The following EXOSC10 variants were observed in gnomAD, a reference collection of about 807,000 sequenced individuals.
EXOSC10 encodes exosome component 10, also known as exosome complex component 10.
Under a neutral mutation model 126.6 loss-of-function variants are expected in EXOSC10, and 94 were observed. The ratio of observed to expected loss-of-function variants is 0.74; its 90% CI spans 0.63 to 0.88. The LOEUF (loss-of-function observed/expected upper bound fraction) is 0.88. Among genes scored for constraint, EXOSC10 ranks in the 40% least tolerant of loss-of-function variants. The pLI is 0.00. For synonymous variants in EXOSC10, 395 were observed against 400.8 expected (o/e 0.99, Z 0.17); for missense variants, 1,041 against 1,100.5 (o/e 0.95, Z 0.77).
intron 17 of EXOSC10, among the ~76,000 whole-genome samples, chr1:11,076,512 A>T (rs1471329841): frequency 6.6e-6 from 1 of 152,202 alleles, no homozygotes; most frequent in Non-Finnish European, 1.5e-5. Flanking sequence ...CCACCACTGC[A>T]GCTTGTCTGG....
intron 4 of EXOSC10, 82 bp downstream of exon 4, chr1:11,091,411 A>G (rs1640797025): frequency 8.1e-7 from 1 of 1,229,502 alleles, no homozygotes; most frequent in Admixed American, 2.3e-5. Context: ...AATAAATTAG[A>G]ACAGAAATGC....
Position 11,072,161 on chromosome 1 carries a change from C to G in EXOSC10, c.2168G>C (p.Arg723Pro). 1 of 1,611,600 alleles carries G rather than the reference C, an allele frequency of 6.2e-7. No homozygotes were observed. Among genetic ancestry groups the G allele is most frequent in the South Asian group, 1.1e-5 (1 of 90,630 alleles). The part of the protein sequence containing the change: ...PSTKIYEISN[R>P]WKLAQVQVQK... ...TACTTGTACCTGGGCCAGCTTCCAGCGGTTGCTGATCTATAATGAAAGCAA... is the reference window on the plus strand; with the variant it reads ...TACTTGTACCTGGGCCAGCTTCCAGGGGTTGCTGATCTATAATGAAAGCAA... Residue 723 changes from arginine (R) to proline (P), a missense_variant, in exon 20 of 25, where the codon CGC (arginine) becomes CCC (proline). Physicochemically the swap from Arg to Pro is moderately radical, Grantham distance 103 (BLOSUM62 -2). This residue lies in a region of EXOSC10 where 388 missense variants were observed against 415.2 expected (regional missense o/e 0.93). Transcript: ENST00000376936.
At chr1:11,089,223 A>T (rs890188606) in intron 6 of EXOSC10, among the ~76,000 whole-genome samples, 1 of 106,322 alleles carries the variant, frequency 9.4e-6, no homozygotes, top group African/African-American at 5.3e-5. Context: ...GAGCAAAACT[A>T]AAAAAAAAAA....
At position 11,069,604 on chromosome 1, in the gene EXOSC10, ACT is replaced by A; in HGVS notation, c.2441_2442del (p.Glu814ValfsTer27). ...KPKDPEPPEK[E>X]FTPYDYSQSD... is the part of the protein sequence containing the mutation. ...GACTGGCTGTAGTCGTAAGGCGTAA[ACT>A]CTTTTTCTGGTGGCTCTGGGTCCTT... On this transcript the variant is annotated frameshift_variant, in exon 22 of 25. Coordinates refer to ENST00000376936, the MANE Select transcript of EXOSC10 (RefSeq NM_001001998.3). LOFTEE classifies it high-confidence loss of function. 6.2e-7 allele frequency: 1 copy of A among 1,613,556 alleles called. No individual in the cohort carries two copies. Among genetic ancestry groups the A allele is most frequent in the Non-Finnish European group, 8.5e-7 (1 of 1,179,900 alleles).
At chr1:11,073,279 C>CACA in intron 19 of EXOSC10, among the ~76,000 whole-genome samples, 1 of 152,230 alleles carries the variant, frequency 6.6e-6, no homozygotes, top group South Asian at 2.1e-4. Flanking sequence ...ACTACAGGCG[C>CACA]CTGCCACGAC....
At position 11,099,798 on chromosome 1, in the gene EXOSC10, G is replaced by C; in HGVS notation, c.34C>G (p.Leu12Val). 1 of 1,611,954 alleles carries C rather than the reference G, an allele frequency of 6.2e-7. No individual in the cohort carries two copies. The highest frequency in any genetic ancestry group is 8.5e-7 in the Non-Finnish European group (1 of 1,179,024). The part of the protein sequence containing the change: ...APPSTREPRV[L>V]SATSATKSDG... ...GATTTGGTTGCGCTGGTCGCCGACA[G>C]GACCCTGGGCTCCCGGGTACTGGGT... is the stretch of plus-strand genomic sequence containing the variant. Residue 12 changes from leucine (L) to valine (V), a missense_variant, in exon 1 of 25, where the codon CTG (leucine) becomes GTG (valine). Around this residue, in one of 3 missense-constraint regions of EXOSC10, gnomAD observed 645 missense variants for 656.3 expected, o/e 0.98. Transcript: ENST00000376936.
At chr1:11,082,595 G>A (rs765697564) in intron 10 of EXOSC10, 93 bp downstream of exon 10, 7 of 1,565,838 alleles carry the variant, frequency 4.5e-6, no homozygotes, top group Admixed American at 1.8e-5. Context: ...CAATGAGCGT[G>A]GTAGGGCTCA....
chr1:11,070,737 T>G, intron 21 of EXOSC10, 163 bp downstream of exon 21: 1 of 623,814 alleles, frequency 1.6e-6, no homozygotes, highest in Non-Finnish European at 2.8e-6. Flanking sequence ...TGTGGAGGTT[T>G]CGGAAATGAG....
At chr1:11,078,628 ACGAAGTCTCAT>A (rs1259067256) in intron 14 of EXOSC10, among the ~76,000 whole-genome samples, 1 of 152,204 alleles carries the variant, frequency 6.6e-6, no homozygotes. Context: ...AGCATTTGCT[ACGAAGTCTCAT>A]CAATCTTTTC....
At chr1:11,090,494 G>T in intron 6 of EXOSC10, 60 bp downstream of exon 6, 2 of 1,368,822 alleles carry the variant, frequency 1.5e-6, no homozygotes, top group Non-Finnish European at 1.0e-6. Context: ...CCACAAAAGT[G>T]AAAATGTGGC....
At chr1:11,070,830 C>G (rs1026448620) in intron 21 of EXOSC10, 70 bp downstream of exon 21, 1 of 1,389,890 alleles carries the variant, frequency 7.2e-7, no homozygotes. Context: ...CCTAAGATAT[C>G]CAAGGAAGAT....
chr1:11,079,692 C>T lies in EXOSC10; in HGVS notation c.1749+19G>A. On this transcript the variant is annotated intron_variant, in intron 14 of 24. Transcript: ENST00000376936. Reference sequence around the variant, plus strand: ...TATAGGCGTGAGCCACTGTGCCCAGCCGCAGAAAAGCTTCTTACCTTGAGC... The same window carrying T: ...TATAGGCGTGAGCCACTGTGCCCAGTCGCAGAAAAGCTTCTTACCTTGAGC... The T allele has an allele frequency of 1.2e-6, 2 of 1,602,452 alleles. No homozygotes were observed. Among genetic ancestry groups the T allele is most frequent in the Non-Finnish European group, 1.7e-6 (2 of 1,171,648 alleles).
intron 19 of EXOSC10, among the ~76,000 whole-genome samples, chr1:11,073,427 C>T (rs556685932): frequency 2.0e-5 from 3 of 152,280 alleles, no homozygotes; most frequent in Admixed American, 2.0e-4. Flanking sequence ...CCACCATGCC[C>T]AGCCCAAGTG....
At position 11,068,062 on chromosome 1, in the gene EXOSC10, AT is replaced by A; in HGVS notation, c.2572del (p.Ile858LeufsTer?). The A allele has an allele frequency of 6.2e-7, 1 of 1,613,916 alleles. No individual in the cohort carries two copies. The highest frequency in any genetic ancestry group is 1.7e-5 in the Admixed American group (1 of 59,994). ...SGKKCIAAKKIKQSVGNKSMS... is the reference protein window; with the variant it reads ...SGKKCIAAKKXKQSVGNKSMS... The stretch of plus-strand genomic sequence containing the variant: ...GCTTTTGTTTCCCACCGACTGTTTA[AT>A]TTTTTTGGCTGCAATGCATTTCTGA... On this transcript the variant is annotated frameshift_variant, in exon 24 of 25. Coordinates refer to ENST00000376936, the MANE Select transcript of EXOSC10 (RefSeq NM_001001998.3). LOFTEE classifies it high-confidence loss of function.
At chr1:11,087,371 A>G (rs1437559840) in intron 9 of EXOSC10, 77 bp downstream of exon 9, 3 of 1,550,344 alleles carry the variant, frequency 1.9e-6, no homozygotes, top group Non-Finnish European at 2.7e-6. Flanking sequence ...CTAGGTTGAA[A>G]TAATGAAATA....
In EXOSC10 at chr1:11,087,561, T is replaced by A; in HGVS notation, c.976A>T (p.Thr326Ser). Residue 326 changes from threonine to serine, a missense_variant, in exon 9 of 25, where the codon ACC becomes TCC. Transcript: ENST00000376936. The part of the protein sequence containing the change: ...HHSYRSFLGL[T>S]CLMQISTRTE... ...CGAGTAGAAATTTGCATCAGGCAGG[T>A]CAGTCCCAGGAAGCTCCTGTAAGAG... is the stretch of plus-strand genomic sequence containing the variant. The A allele has an allele frequency of 6.2e-7, 1 of 1,614,080 alleles. No individual in the cohort carries two copies. The highest frequency in any genetic ancestry group is 8.5e-7 in the Non-Finnish European group (1 of 1,180,004).
chr1:11,066,802 C>T, intron 24 of EXOSC10, 54 bp from the exon 25 acceptor site: 1 of 1,594,976 alleles, frequency 6.3e-7, no homozygotes, highest in Non-Finnish European at 8.6e-7. Flanking sequence ...TGGATGTTCT[C>T]AGATGGTTTA....
intron 4 of EXOSC10, 45 bp downstream of exon 4, chr1:11,091,448 A>T: frequency 6.6e-7 from 1 of 1,512,628 alleles, no homozygotes; most frequent in East Asian, 2.3e-5. Context: ...AATCTCTGTT[A>T]TGAAGCTGAC....
rs933670958 is a variant in EXOSC10 at position 11,090,750 on chromosome 1, GTTTTTTGGCTTTT to G, written c.644-95_644-83del. 6.6e-5 allele frequency: 74 copies of G among 1,124,082 alleles called. No individual in the cohort carries two copies. The African/African-American group carries it at 1.1e-3, about 17-fold the overall frequency. The allele number at this position is 1,124,082 out of a possible 1,614,324, so 69.6% of individuals were successfully genotyped here. On this transcript the variant is annotated intron_variant, in intron 5 of 24. Coordinates refer to ENST00000376936, the MANE Select transcript of EXOSC10 (RefSeq NM_001001998.3). The stretch of plus-strand genomic sequence containing the variant: ...ACACAGGGGTAAACTGGTTCCCTTT[GTTTTTTGGCTTTT>G]TTTTTTGAGACAGGGTCATGTTCTG...
Sources: allele counts gnomAD v4.1 joint callset (sites outside exome capture counted in the v4.1 genomes callset), GRCh38; gene constraint gnomAD v4.1.1; regional missense constraint gnomAD v4.1.1; transcripts MANE v1.5; gene names NCBI Gene and HGNC (gene_info 2026-07-23, HGNC 2026-07-21).